The following KDM5B variants were observed in gnomAD, a reference collection of about 807,000 sequenced individuals.
KDM5B encodes the protein lysine-specific demethylase 5B.
A neutral mutation model predicts 193.4 loss-of-function variants in KDM5B; 144 were observed. The ratio of observed to expected loss-of-function variants is 0.74; its 90% confidence interval spans 0.65 to 0.86. The LOEUF is 0.86. Among genes scored for constraint, KDM5B ranks in the 40% least tolerant of loss-of-function variants. KDM5B has a pLI of 0.00. For synonymous variants in KDM5B, 668 were observed against 682.6 expected, an observed-to-expected ratio of 0.98 and a Z score of 0.33; for missense variants, 1,833 against 1,886.9, an observed-to-expected ratio of 0.97 and a Z score of 0.53.
rs1654687390 is a variant in KDM5B at position 202,726,742 on chromosome 1, T to C, written c.*2294A>G. 1 of 152,202 alleles carries C rather than the reference T, an allele frequency of 6.6e-6. No individual in the cohort carries two copies. Among genetic ancestry groups the C allele is most frequent in the Non-Finnish European group, 1.5e-5 (1 of 68,038 alleles). The allele number at this position is 152,202 out of a possible 1,614,324, so 9.4% of individuals were successfully genotyped here. On this transcript the variant is annotated 3_prime_UTR_variant, in exon 27 of 27. Coordinates refer to ENST00000367265, the MANE Select transcript of KDM5B (RefSeq NM_006618.5). ...ATGGTTTTTAGATCACATCAGTCTG[T>C]AGTCATTTTAGGGATACAACAAAGG... is the stretch of plus-strand genomic sequence containing the variant.
At chr1:202,782,582 A>G (rs532022081) in intron 1 of KDM5B, among the ~76,000 whole-genome samples, 1 of 152,308 alleles carries the variant, frequency 6.6e-6, no homozygotes, top group East Asian at 1.9e-4. Context: ...CTAAGGTGAA[A>G]ATTTTGAAAA....
intron 16 of KDM5B, among the ~76,000 whole-genome samples, chr1:202,745,633 T>C (rs1655522088): frequency 6.6e-6 from 1 of 152,218 alleles, no homozygotes; most frequent in African/African-American, 2.4e-5. Flanking sequence ...TAAGTGATGT[T>C]GCACAACTCA....
intron 1 of KDM5B, among the ~76,000 whole-genome samples, chr1:202,801,169 C>T (rs1658057428): frequency 6.6e-6 from 1 of 152,076 alleles, no homozygotes; most frequent in East Asian, 1.9e-4. Flanking sequence ...GTATGCTTCA[C>T]ATTTTTTGTA....
intron 1 of KDM5B, among the ~76,000 whole-genome samples, chr1:202,786,763 T>C (rs753249700): frequency 3.9e-5 from 6 of 152,168 alleles, no homozygotes; most frequent in Non-Finnish European, 7.3e-5. Flanking sequence ...AATACACATA[T>C]TGGCCGGGCG....
At chr1:202,807,625 CACG>C (rs1014077522) in intron 1 of KDM5B, among the ~76,000 whole-genome samples, 1 of 151,780 alleles carries the variant, frequency 6.6e-6, no homozygotes. Context: ...TTCCTCCTCG[CACG>C]ACAACTCGCA....
At chr1:202,732,117 C>T in intron 23 of KDM5B, 178 bp from the exon 24 acceptor site, 1 of 551,268 alleles carries the variant, frequency 1.8e-6, no homozygotes, top group Non-Finnish European at 3.2e-6. Flanking sequence ...CAAATCAACT[C>T]ATATCTTCCC....
intron 4 of KDM5B, among the ~76,000 whole-genome samples, chr1:202,767,711 T>A (rs919822237): frequency 6.6e-6 from 1 of 152,136 alleles, no homozygotes; most frequent in Non-Finnish European, 1.5e-5. Flanking sequence ...TAAAAAAAAT[T>A]TTAACAGGTG....
Position 202,774,711 on chromosome 1 carries a change from A to T in KDM5B, c.307T>A (p.Phe103Ile). The change falls in exon 3 of 27, where the codon TTC becomes ATC. Residue 103 changes from phenylalanine (F) to isoleucine (I), a missense_variant. Physicochemically the swap from Phe to Ile is conservative, Grantham distance 21. Transcript: ENST00000367265. ...LEAQTRVKLN[F>I]LDQIAKYWEL... ...CAGTACTTTGCAATCTGGTCCAAGA[A>T]ATTCAATTTTACACGAGTTTGGGCC... is the stretch of plus-strand genomic sequence containing the variant. 6.2e-7 allele frequency: 1 copy of T among 1,613,422 alleles called. No individual in the cohort carries two copies. Among genetic ancestry groups the T allele is most frequent in the Non-Finnish European group, 8.5e-7 (1 of 1,179,598 alleles).
chr1:202,785,842 G>A (rs531605964), intron 1 of KDM5B, among the ~76,000 whole-genome samples: 2 of 151,200 alleles, frequency 1.3e-5, no homozygotes, highest in East Asian at 3.9e-4. Context: ...CCAGGAGGCA[G>A]ATGATGCGGT....
At position 202,729,068 on chromosome 1, in the gene KDM5B, A is replaced by G; in HGVS notation, c.4603T>C (p.Cys1535Arg). Residue 1535 changes from cysteine (C) to arginine (R), a missense_variant, in exon 27 of 27, where the codon TGT becomes CGT. Cys to Arg is a radical substitution (Grantham distance 180, BLOSUM62 -3). Transcript: ENST00000367265. ...AEKEDYICVRCTVKDAPSRK is the reference protein window; with the variant it reads ...AEKEDYICVRRTVKDAPSRK ...CGGCTTGGTGCGTCCTTCACAGTAC[A>G]GCGCACACAGATGTAGTCTTCTTTC... 6.2e-7 allele frequency: 1 copy of G among 1,614,104 alleles called. No homozygotes were observed. Among genetic ancestry groups the G allele is most frequent in the Non-Finnish European group, 8.5e-7 (1 of 1,179,996 alleles).
At chr1:202,790,187 C>T (rs1275397278) in intron 1 of KDM5B, among the ~76,000 whole-genome samples, 4 of 151,554 alleles carry the variant, frequency 2.6e-5, no homozygotes, top group Admixed American at 6.6e-5. Flanking sequence ...ATCTCAAACT[C>T]GGGAGGTAAA....
chr1:202,764,185 A>G, intron 5 of KDM5B, 40 bp from the exon 6 acceptor site: 3 of 1,093,892 alleles, frequency 2.7e-6, no homozygotes, highest in Admixed American at 5.1e-5. Flanking sequence ...TTCCTTTAAG[A>G]AGAAATAATC....
chr1:202,767,104 T>TC (rs760532806), intron 4 of KDM5B, 44 bp from the exon 5 acceptor site: 3 of 1,600,866 alleles, frequency 1.9e-6, no homozygotes, highest in African/African-American at 1.4e-5. Context: ...CTTTTTTTTT[T>TC]CACATCATAA....
chr1:202,737,493 C>T (rs1415449436), intron 20 of KDM5B, among the ~76,000 whole-genome samples: 1 of 152,160 alleles, frequency 6.6e-6, no homozygotes, highest in Non-Finnish European at 1.5e-5. Context: ...ATTGGTGTTG[C>T]TCCAATACAA....
At position 202,808,254 on chromosome 1, in the gene KDM5B, C is replaced by A; in HGVS notation, c.52G>T (p.Gly18Trp). ...HPGPRPALPL[G>W]GPGPLGEFLP... The stretch of plus-strand genomic sequence containing the variant: ...AACTCGCCCAGCGGGCCCGGGCCCC[C>A]GAGGGGCAGCGCCGGGCGCGGGCCT... The change falls in exon 1 of 27, where the codon GGG (glycine) becomes TGG (tryptophan). Residue 18 changes from glycine to tryptophan, a missense_variant. Gly to Trp is a radical substitution (Grantham distance 184). Transcript: ENST00000367265. 1 of 1,610,582 alleles carries A rather than the reference C, an allele frequency of 6.2e-7. No individual in the cohort carries two copies. Among genetic ancestry groups the A allele is most frequent in the African/African-American group, 1.3e-5 (1 of 74,946 alleles).
At chr1:202,758,644 A>T (rs1656115950) in intron 8 of KDM5B, 134 bp from the exon 9 acceptor site, 2 of 578,876 alleles carry the variant, frequency 3.5e-6, no homozygotes, top group East Asian at 6.5e-5. Flanking sequence ...ACATTATAAA[A>T]ATAAACCTGC....
At chr1:202,732,487 C>G (rs1001168781) in intron 23 of KDM5B, among the ~76,000 whole-genome samples, 9 of 152,188 alleles carry the variant, frequency 5.9e-5, no homozygotes, top group Admixed American at 4.6e-4. Context: ...ACCAATGACT[C>G]CACTTTGGGA....
At chr1:202,760,935 G>A (rs1041877787) in intron 7 of KDM5B, among the ~76,000 whole-genome samples, 8 of 152,086 alleles carry the variant, frequency 5.3e-5, no homozygotes, top group African/African-American at 1.9e-4. Context: ...AATTGAGACA[G>A]GAGGATTTCT....
intron 16 of KDM5B, among the ~76,000 whole-genome samples, chr1:202,745,043 T>C (rs1375785692): frequency 6.6e-6 from 1 of 152,130 alleles, no homozygotes; most frequent in Non-Finnish European, 1.5e-5. Flanking sequence ...AAACTAACAC[T>C]AGGAACAGGA....
Sources: allele counts gnomAD v4.1 joint callset (sites outside exome capture counted in the v4.1 genomes callset), GRCh38; gene constraint gnomAD v4.1.1; transcripts MANE v1.5; gene names NCBI Gene and HGNC (gene_info 2026-07-23, HGNC 2026-07-21).